Variants in DBNL observed in about 807,000 individuals in gnomAD.
DBNL encodes the protein drebrin like, also known as drebrin-like protein.
A neutral mutation model predicts 62.2 loss-of-function variants in DBNL; 35 were observed. That is an observed-to-expected ratio of 0.56 (90% CI 0.43 to 0.75). The LOEUF (loss-of-function observed/expected upper bound fraction) is 0.75. Among genes scored for constraint, DBNL ranks in the 30% least tolerant of loss-of-function variants. DBNL has a pLI of 0.00. For synonymous variants in DBNL, 197 were observed against 218.0 expected (o/e 0.90, Z 0.85); for missense variants, 495 against 578.4 (o/e 0.86, Z 1.48).
chr7:44,046,878 C>T (rs2128788592), intron 1 of DBNL, among the ~76,000 whole-genome samples: 1 of 152,352 alleles, frequency 6.6e-6, no homozygotes, highest in African/African-American at 2.4e-5. Flanking sequence ...CCTACCACCC[C>T]TTTCATTTAC....
intron 6 of DBNL, 62 bp from the exon 7 acceptor site, chr7:44,058,067 T>C: frequency 6.5e-7 from 1 of 1,540,700 alleles, no homozygotes; most frequent in Non-Finnish European, 8.8e-7. Context: ...AACTCAGTCC[T>C]GGGCAGGGGA....
Position 44,056,885 on chromosome 7 carries a change from G to C in DBNL, c.456G>C (p.Val152=). 6.2e-7 allele frequency: 1 copy of C among 1,614,006 alleles called. No individual in the cohort carries two copies. Among genetic ancestry groups the C allele is most frequent in the Non-Finnish European group, 8.5e-7 (1 of 1,180,016 alleles). ...AGGAGAGTGGCCGCTTCCAGGACGTGGGACCCCAGGCCCCAGTGGTGAGTG... is the reference window on the plus strand; with the variant it reads ...AGGAGAGTGGCCGCTTCCAGGACGTCGGACCCCAGGCCCCAGTGGTGAGTG... The part of the protein sequence containing the change: ...FHKESGRFQD[V]GPQAPVGSVY... The change falls in exon 5 of 13, where the codon GTG becomes GTC. Residue 152 remains valine (V), a synonymous_variant. Coordinates refer to ENST00000448521, the MANE Select transcript of DBNL (RefSeq NM_001014436.3).
chr7:44,064,901 T>C lies in DBNL; in HGVS notation c.*3985T>C, dbSNP rs760688157. The C allele has an allele frequency of 6.2e-7, 1 of 1,611,540 alleles. No individual in the cohort carries two copies. ...GCAATGAGCACTCGCTTGCCGGCCT[T>C]GATCTGGGGAACAATCTCCTCGTTC... On this transcript the variant is annotated 3_prime_UTR_variant, in exon 13 of 13. Coordinates refer to ENST00000448521, the MANE Select transcript of DBNL (RefSeq NM_001014436.3).
chr7:44,061,016 G>A lies in DBNL; in HGVS notation c.*100G>A. ...ACATTCAGCACTCTTCCAGGAATAG[G>A]ACCCCCAGTGAGGATGAGGCCTCAG... On this transcript the variant is annotated 3_prime_UTR_variant, in exon 13 of 13. Transcript: ENST00000448521. 6.8e-7 allele frequency: 1 copy of A among 1,465,472 alleles called. No homozygotes were observed. Among genetic ancestry groups the A allele is most frequent in the Admixed American group, 2.3e-5 (1 of 43,412 alleles). The allele number at this position is 1,465,472 out of a possible 1,614,324, so 90.8% of individuals were successfully genotyped here. A position where few individuals can be genotyped will look rare whatever the true frequency, so the allele number is the denominator to read the frequency against.
chr7:44,050,105 A>T (rs1165921303), intron 1 of DBNL, 120 bp from the exon 2 acceptor site: 1 of 1,138,408 alleles, frequency 8.8e-7, no homozygotes, highest in East Asian at 2.5e-5. Context: ...GCCTGTGCCC[A>T]CCCACAGTGT....
At chr7:44,046,492 C>T (rs2096117536) in intron 1 of DBNL, among the ~76,000 whole-genome samples, 1 of 152,274 alleles carries the variant, frequency 6.6e-6, no homozygotes, top group Non-Finnish European at 1.5e-5. Context: ...ACTCCTGGCC[C>T]GGTGCTTACC....
intron 1 of DBNL, among the ~76,000 whole-genome samples, chr7:44,049,453 C>T (rs145983611): frequency 0.07 from 10,602 of 152,250 alleles, 495 homozygotes; most frequent in Non-Finnish European, 0.099. Context: ...TGAGCCACTG[C>T]GCCCAGCCCA....
intron 3 of DBNL, 29 bp from the exon 4 acceptor site, chr7:44,052,838 G>T (rs1208613934): frequency 6.2e-7 from 1 of 1,613,134 alleles, no homozygotes; most frequent in Non-Finnish European, 8.5e-7. Context: ...GGGGAGGCCT[G>T]GGTCAACCTG....
At position 44,056,909 on chromosome 7, in the gene DBNL, T is replaced by A. The variant is rs1262254758; in HGVS notation, c.474+6T>A. The A allele has an allele frequency of 1.9e-6, 3 of 1,613,534 alleles. No individual in the cohort carries two copies. Among genetic ancestry groups the A allele is most frequent in the Non-Finnish European group, 2.5e-6 (3 of 1,179,902 alleles). On this transcript the variant is annotated splice_donor_region_variant and intron_variant, in intron 5 of 12. Transcript: ENST00000448521. ...TGGGACCCCAGGCCCCAGTGGTGAG[T>A]GCTGCTTGCCCATCGCCAGCCCTTT...
intron 1 of DBNL, among the ~76,000 whole-genome samples, chr7:44,047,502 TG>T (rs1462195339): frequency 2.0e-5 from 3 of 152,220 alleles, no homozygotes; most frequent in Non-Finnish European, 4.4e-5. Flanking sequence ...ACCTGGTTCA[TG>T]TGTCACCTTC....
chr7:44,064,025 C>G lies in DBNL; in HGVS notation c.*3109C>G, dbSNP rs1180774806. On this transcript the variant is annotated 3_prime_UTR_variant, in exon 13 of 13. Transcript: ENST00000448521. ...CTGCCGGTCTGGGTGCTCTGGCCAA[C>G]TGCCCAACGGCCCTAGGAGCAGGAG... 2.6e-5 allele frequency: 4 copies of G among 152,652 alleles called. No individual in the cohort carries two copies. Among genetic ancestry groups the G allele is most frequent in the African/African-American group, 9.6e-5 (4 of 41,484 alleles). The allele number at this position is 152,652 out of a possible 1,614,324, so 9.5% of individuals were successfully genotyped here.
chr7:44,065,833 G>A lies in DBNL; in HGVS notation c.*4917G>A. 2 of 506,456 alleles carry A rather than the reference G, an allele frequency of 3.9e-6. No individual in the cohort carries two copies. The highest frequency in any genetic ancestry group is 4.1e-5 in the South Asian group (2 of 48,946). The allele number at this position is 506,456 out of a possible 1,614,324, so 31.4% of individuals were successfully genotyped here. A position where few individuals can be genotyped will look rare whatever the true frequency, so the allele number is the denominator to read the frequency against. Reference sequence around the variant, plus strand: ...TGAGTGGGGCTGCTGGTCAGGGATGGGCGTGAAGGGCAGAAGTCTGGGCCA... The same window carrying A: ...TGAGTGGGGCTGCTGGTCAGGGATGAGCGTGAAGGGCAGAAGTCTGGGCCA... On this transcript the variant is annotated 3_prime_UTR_variant, in exon 13 of 13. Coordinates refer to ENST00000448521, the MANE Select transcript of DBNL (RefSeq NM_001014436.3).
In DBNL at chr7:44,058,226, C is replaced by T. The variant is rs980627474; in HGVS notation, c.650C>T (p.Ala217Val). The T allele has an allele frequency of 1.3e-6, 2 of 1,571,366 alleles. No homozygotes were observed. Among genetic ancestry groups the T allele is most frequent in the Admixed American group, 3.8e-5 (2 of 52,842 alleles). The change falls in exon 7 of 13, where the codon GCT becomes GTT. Residue 217 changes from alanine (A) to valine (V), a missense_variant. By Grantham distance (64) the Ala-to-Val change is moderately conservative. Coordinates refer to ENST00000448521, the MANE Select transcript of DBNL (RefSeq NM_001014436.3). ...QERRERELREAARREQRYQEQ... is the reference protein window; with the variant it reads ...QERRERELREVARREQRYQEQ... The stretch of plus-strand genomic sequence containing the variant: ...CGCCGGGAGCGTGAGCTGCGTGAGG[C>T]TGCACGCCGGGAGCAGCGCTATCAG...
rs777757414 is a variant in DBNL at position 44,064,914 on chromosome 7, A to AATC, written c.*3999_*4001dup. The AATC allele has an allele frequency of 1.2e-6, 2 of 1,611,300 alleles. No homozygotes were observed. The highest frequency in any genetic ancestry group is 1.7e-6 in the Non-Finnish European group (2 of 1,179,698). ...GCTTGCCGGCCTTGATCTGGGGAAC[A>AATC]ATCTCCTCGTTCCAGAAGGGCAGGG... On this transcript the variant is annotated 3_prime_UTR_variant, in exon 13 of 13. Coordinates refer to ENST00000448521, the MANE Select transcript of DBNL (RefSeq NM_001014436.3).
At position 44,063,352 on chromosome 7, in the gene DBNL, T is replaced by G. The variant is rs1562660295; in HGVS notation, c.*2436T>G. The G allele has an allele frequency of 3.8e-6, 1 of 265,304 alleles. No homozygotes were observed. Among genetic ancestry groups the G allele is most frequent in the East Asian group, 9.6e-5 (1 of 10,368 alleles). 16.4% of individuals were successfully genotyped at this position (265,304 alleles called of 1,614,324 possible). On this transcript the variant is annotated 3_prime_UTR_variant, in exon 13 of 13. Transcript: ENST00000448521. The stretch of plus-strand genomic sequence containing the variant: ...CAGGCTGGAGTGCAGTGGCACGATC[T>G]TGGCTCACTGCAACCTCCATCTCCT...
At chr7:44,050,068 T>C in intron 1 of DBNL, 157 bp from the exon 2 acceptor site, 1 of 705,734 alleles carries the variant, frequency 1.4e-6, no homozygotes, top group South Asian at 1.7e-5. Context: ...AGAACCTGCC[T>C]AGTGGGTCAG....
In DBNL at chr7:44,050,237, C is replaced by T; in HGVS notation, c.96C>T (p.Thr32=). The T allele has an allele frequency of 6.2e-7, 1 of 1,613,782 alleles. No individual in the cohort carries two copies. The highest frequency in any genetic ancestry group is 8.5e-7 in the Non-Finnish European group (1 of 1,179,726). Residue 32 remains threonine, a synonymous_variant, in exon 2 of 13, where the codon ACC becomes ACT. Coordinates refer to ENST00000448521, the MANE Select transcript of DBNL (RefSeq NM_001014436.3). ...EKSPTDWALF[T]YEGNSNDIRV... The stretch of plus-strand genomic sequence containing the variant: ...TGTTTCGTTTCAGGGCTCTCTTTAC[C>T]TATGAAGGCAACAGCAATGACATCC...
Position 44,065,158 on chromosome 7 carries a change from G to T in DBNL, c.*4242G>T. On this transcript the variant is annotated 3_prime_UTR_variant, in exon 13 of 13. Coordinates refer to ENST00000448521, the MANE Select transcript of DBNL (RefSeq NM_001014436.3). Reference sequence around the variant, plus strand: ...AGTAGGGGTGCTTCTCGTCCATCGGGGGCGGCGGGATGTCGAAGGAGCGCC... The same window carrying T: ...AGTAGGGGTGCTTCTCGTCCATCGGTGGCGGCGGGATGTCGAAGGAGCGCC... 1 of 1,614,074 alleles carries T rather than the reference G, an allele frequency of 6.2e-7. No homozygotes were observed. The highest frequency in any genetic ancestry group is 1.7e-5 in the Admixed American group (1 of 60,026).
At position 44,052,935 on chromosome 7, in the gene DBNL, C is replaced by T; in HGVS notation, c.321C>T (p.Phe107=). Residue 107 remains phenylalanine (F), a synonymous_variant, in exon 4 of 13, where the codon TTC becomes TTT. Coordinates refer to ENST00000448521, the MANE Select transcript of DBNL (RefSeq NM_001014436.3). ...CASHVSTMAS[F]LKGAHVTINA... ...GCCACGTCAGCACCATGGCCAGCTTCCTGAAGGTAAGGCCAGGTGAGGCCC... is the reference window on the plus strand; with the variant it reads ...GCCACGTCAGCACCATGGCCAGCTTTCTGAAGGTAAGGCCAGGTGAGGCCC... 6.2e-7 allele frequency: 1 copy of T among 1,613,134 alleles called. No individual in the cohort carries two copies. The highest frequency in any genetic ancestry group is 8.5e-7 in the Non-Finnish European group (1 of 1,179,900).
Sources: allele counts gnomAD v4.1 joint callset (sites outside exome capture counted in the v4.1 genomes callset), GRCh38; gene constraint gnomAD v4.1.1; transcripts MANE v1.5; gene names NCBI Gene and HGNC (gene_info 2026-07-23, HGNC 2026-07-21).